NRG3: variants seen among roughly 807,000 people sequenced by gnomAD.
The protein encoded by NRG3 is pro-neuregulin-3, membrane-bound isoform.
Under a neutral mutation model 66.9 loss-of-function variants are expected in NRG3, and 31 were observed. That is an observed-to-expected ratio of 0.46 (90% CI 0.35 to 0.63). The LOEUF (loss-of-function observed/expected upper bound fraction) is 0.63, where lower values mean the gene tolerates loss of function less well. Among genes scored for constraint, NRG3 ranks in the 20% least tolerant of loss-of-function variants. NRG3 has a pLI of 0.00. For synonymous variants in NRG3, 393 were observed against 359.4 expected (o/e 1.09, Z -1.06); for missense variants, 910 against 878.9 (o/e 1.04, Z -0.45).
At chr10:82,362,329 A>ATGTGTG (rs1426971423) in intron 2 of NRG3, among the ~76,000 whole-genome samples, 54 of 132,276 alleles carry the variant, frequency 4.1e-4, no homozygotes, top group African/African-American at 1.6e-3. Flanking sequence ...ATGTGTATAT[A>ATGTGTG]TATATGTGTG....
intron 4 of NRG3, among the ~76,000 whole-genome samples, chr10:82,880,552 A>T (rs372327778): frequency 6.6e-6 from 1 of 152,144 alleles, no homozygotes. Flanking sequence ...CTATTCCCAT[A>T]ATCCTTCCCT....
At chr10:82,499,949 T>G (rs1332702637) in intron 2 of NRG3, among the ~76,000 whole-genome samples, 1 of 152,180 alleles carries the variant, frequency 6.6e-6, no homozygotes. Flanking sequence ...TACAAAACTC[T>G]CTGATTTCAA....
At chr10:82,978,909 T>TTTTG (rs772501137) in intron 7 of NRG3, 41 bp from the exon 8 acceptor site, 49 of 1,597,566 alleles carry the variant, frequency 3.1e-5, no homozygotes, top group African/African-American at 4.0e-5. Flanking sequence ...CTATGATGTC[T>TTTTG]TTTGTTTGTT....
At chr10:82,415,318 G>A (rs1937975) in intron 2 of NRG3, among the ~76,000 whole-genome samples, 65,839 of 152,018 alleles carry the variant, frequency 0.43, 18,341 homozygotes, top group African/African-American at 0.79. Context: ...TTAAGTGAAT[G>A]AGTGTTTCAA....
intron 1 of NRG3, among the ~76,000 whole-genome samples, chr10:82,189,641 T>A (rs2074016500): frequency 6.6e-6 from 1 of 152,010 alleles, no homozygotes; most frequent in Non-Finnish European, 1.5e-5. Context: ...ATACAAAAAA[T>A]TAGCCAGGTG....
At chr10:82,213,351 C>A (rs2075498439) in intron 1 of NRG3, among the ~76,000 whole-genome samples, 1 of 152,210 alleles carries the variant, frequency 6.6e-6, no homozygotes, top group Non-Finnish European at 1.5e-5. Context: ...AATCCCACAT[C>A]TGACCTCATA....
chr10:82,539,686 T>G (rs1392028196), intron 2 of NRG3, among the ~76,000 whole-genome samples: 4 of 151,998 alleles, frequency 2.6e-5, no homozygotes, highest in Admixed American at 6.6e-5. Context: ...CAGGCTGGAG[T>G]GCAGTGGCGG....
At chr10:82,203,832 C>T (rs1056009721) in intron 1 of NRG3, among the ~76,000 whole-genome samples, 3 of 152,076 alleles carry the variant, frequency 2.0e-5, no homozygotes, top group Admixed American at 1.3e-4. Context: ...CAGGAACATC[C>T]ATCTGCCAAC....
chr10:82,378,527 C>T (rs1488581778), intron 2 of NRG3, among the ~76,000 whole-genome samples: 1 of 151,886 alleles, frequency 6.6e-6, no homozygotes, highest in Admixed American at 6.6e-5. Context: ...TCCTTCCCTC[C>T]ATTCCTCCCT....
intron 1 of NRG3, among the ~76,000 whole-genome samples, chr10:82,106,553 T>TG (rs1177469405): frequency 2.6e-5 from 4 of 151,666 alleles, no homozygotes; most frequent in Non-Finnish European, 5.9e-5. Context: ...TCACCTAGGC[T>TG]GGAGTAAAGT....
At chr10:82,656,157 AT>A (rs1054654726) in intron 2 of NRG3, among the ~76,000 whole-genome samples, 1 of 152,140 alleles carries the variant, frequency 6.6e-6, no homozygotes, top group South Asian at 2.1e-4. Context: ...CTGAAAAGGG[AT>A]TTTTTTAATT....
intron 1 of NRG3, among the ~76,000 whole-genome samples, chr10:82,019,387 C>G (rs183347478): frequency 2.2e-3 from 335 of 152,276 alleles, no homozygotes; most frequent in African/African-American, 7.7e-3. Flanking sequence ...GGATTATGAT[C>G]TAAAATTCTG....
chr10:82,392,538 A>G (rs1398964700), intron 2 of NRG3, among the ~76,000 whole-genome samples: 2 of 152,192 alleles, frequency 1.3e-5, no homozygotes, highest in African/African-American at 4.8e-5. Context: ...ATGTGTCTGT[A>G]TAAATTGCTA....
chr10:82,816,323 A>G (rs1356772076), intron 3 of NRG3, among the ~76,000 whole-genome samples: 1 of 152,230 alleles, frequency 6.6e-6, no homozygotes, highest in Non-Finnish European at 1.5e-5. Flanking sequence ...AGCTTCATTG[A>G]GCAACAGAAC....
chr10:82,337,857 TG>T (rs2082470279), intron 1 of NRG3, among the ~76,000 whole-genome samples: 1 of 152,202 alleles, frequency 6.6e-6, no homozygotes, highest in Non-Finnish European at 1.5e-5. Flanking sequence ...TATAATGCAT[TG>T]GGGTCTTTAC....
At chr10:82,894,019 A>G (rs1843418825) in intron 4 of NRG3, among the ~76,000 whole-genome samples, 1 of 152,240 alleles carries the variant, frequency 6.6e-6, no homozygotes, top group African/African-American at 2.4e-5. Flanking sequence ...GATTTTGGAG[A>G]TGAGTTCTAT....
chr10:82,864,568 A>T (rs1214968904), intron 3 of NRG3, among the ~76,000 whole-genome samples: 1 of 152,216 alleles, frequency 6.6e-6, no homozygotes, highest in African/African-American at 2.4e-5. Flanking sequence ...GAATTTTAAA[A>T]GTGAATGAGT....
intron 1 of NRG3, among the ~76,000 whole-genome samples, chr10:82,160,162 C>A (rs552880990): frequency 6.6e-6 from 1 of 151,944 alleles, no homozygotes; most frequent in East Asian, 1.9e-4. Context: ...AAAAAGCAAT[C>A]CATTTTACCT....
At chr10:82,844,674 T>TC (rs1474866287) in intron 3 of NRG3, among the ~76,000 whole-genome samples, 1 of 145,644 alleles carries the variant, frequency 6.9e-6, no homozygotes, top group East Asian at 1.9e-4. Flanking sequence ...CTACAATCTT[T>TC]TTTTTTTTTT....
Sources: gnomAD v4.1 joint callset for allele counts (sites outside exome capture counted in the v4.1 genomes callset) on GRCh38, gnomAD v4.1.1 for gene constraint, MANE v1.5 for transcripts, NCBI Gene and HGNC (gene_info 2026-07-23, HGNC 2026-07-21) for gene names.